Variants in TMEM117 observed in about 807,000 individuals in gnomAD.
TMEM117 encodes the protein transmembrane protein 117.
A neutral mutation model predicts 52.4 loss-of-function variants in TMEM117; 27 were observed. The ratio of observed to expected loss-of-function variants is 0.51; its 90% CI spans 0.38 to 0.71. The LOEUF (loss-of-function observed/expected upper bound fraction) is 0.71, where lower values mean the gene tolerates loss of function less well. Among genes scored for constraint, TMEM117 ranks in the 30% least tolerant of loss-of-function variants. The pLI is 0.00. For missense variants in TMEM117, 556 were observed against 630.5 expected (o/e 0.88, Z 1.26); for synonymous variants, 215 against 206.3 (o/e 1.04, Z -0.36).
intron 5 of TMEM117, among the ~76,000 whole-genome samples, chr12:44,215,217 A>T (rs1329655007): frequency 6.6e-6 from 1 of 152,232 alleles, no homozygotes; most frequent in Non-Finnish European, 1.5e-5. Context: ...TAGTAAACAT[A>T]TCTCTTACCT....
chr12:44,147,187 C>T (rs1447345540), intron 4 of TMEM117, among the ~76,000 whole-genome samples: 1 of 152,184 alleles, frequency 6.6e-6, no homozygotes, highest in Non-Finnish European at 1.5e-5. Context: ...TGAGCTGGGT[C>T]TTTGCTATGG....
intron 4 of TMEM117, among the ~76,000 whole-genome samples, chr12:44,173,593 T>TTTTTTTTTTTTTTTTTTTTTTTTTGAGAC (rs1486099062): frequency 6.6e-6 from 1 of 151,298 alleles, no homozygotes; most frequent in African/African-American, 2.5e-5. Context: ...ATTCTTTAGT[T>TTTTTTTTTTTTTTTTTTTTTTTTTGAGAC]GCTGAAAACA....
At chr12:43,853,039 T>G (rs2137377921) in intron 2 of TMEM117, among the ~76,000 whole-genome samples, 1 of 152,320 alleles carries the variant, frequency 6.6e-6, no homozygotes, top group Non-Finnish European at 1.5e-5. Context: ...CTAAACCTGT[T>G]AATACTGCAT....
At chr12:43,957,957 C>G (rs1012693221) in intron 3 of TMEM117, among the ~76,000 whole-genome samples, 1 of 152,192 alleles carries the variant, frequency 6.6e-6, no homozygotes, top group African/African-American at 2.4e-5. Context: ...GGCATGTTTT[C>G]AGCACTGATT....
intron 3 of TMEM117, among the ~76,000 whole-genome samples, chr12:44,116,242 C>T (rs1189692209): frequency 6.6e-6 from 1 of 152,172 alleles, no homozygotes; most frequent in Non-Finnish European, 1.5e-5. Flanking sequence ...TTACAATACT[C>T]TTCGAATGTG....
chr12:43,838,067 T>C (rs918882418), intron 1 of TMEM117, among the ~76,000 whole-genome samples: 1 of 152,226 alleles, frequency 6.6e-6, no homozygotes, highest in African/African-American at 2.4e-5. Context: ...CCCTGTGGTC[T>C]TTTGTATTAG....
At chr12:44,092,146 A>C (rs1947684432) in intron 3 of TMEM117, among the ~76,000 whole-genome samples, 1 of 152,232 alleles carries the variant, frequency 6.6e-6, no homozygotes, top group Admixed American at 6.5e-5. Context: ...TCCGATATGT[A>C]TCAGCTGCAT....
At chr12:43,916,080 T>C (rs190320893) in intron 2 of TMEM117, among the ~76,000 whole-genome samples, 45 of 152,164 alleles carry the variant, frequency 3.0e-4, no homozygotes, top group African/African-American at 1.0e-3. Flanking sequence ...CTTATTCTTC[T>C]TTTTCCAGCC....
At position 43,984,837 on chromosome 12, in the gene TMEM117, GC is replaced by G. The variant is rs538820655; in HGVS notation, c.410+40498del. On this transcript the variant is annotated intron_variant, in intron 3 of 7. Coordinates refer to ENST00000266534, the MANE Select transcript of TMEM117 (RefSeq NM_032256.3). Reference sequence around the variant, plus strand: ...AAATGGAACGTTTGTTTTAAAATCAGCCCACATACCGAAATGTCTTTTATTT... The same window carrying G: ...AAATGGAACGTTTGTTTTAAAATCAGCCACATACCGAAATGTCTTTTATTT... Among the ~76,000 whole-genome samples, 27 of 152,134 alleles carry G rather than the reference GC, an allele frequency of 1.8e-4. No individual in the cohort carries two copies. In the South Asian group the frequency reaches 5.0e-3, roughly 28 times the overall value.
chr12:44,007,906 G>A (rs933609276), intron 3 of TMEM117, among the ~76,000 whole-genome samples: 1 of 152,038 alleles, frequency 6.6e-6, no homozygotes, highest in Non-Finnish European at 1.5e-5. Context: ...ACGTGGAACT[G>A]TAAGTCCACT....
chr12:43,825,348 C>T, the TMEM117 span, among the ~76,000 whole-genome samples: 6 of 152,250 alleles, frequency 3.9e-5, no homozygotes, highest in African/African-American at 7.2e-5. Context: ...GGACCCCAAG[C>T]GCTGGATTAT....
intron 2 of TMEM117, among the ~76,000 whole-genome samples, chr12:43,918,275 T>G (rs954793127): frequency 5.3e-5 from 8 of 152,220 alleles, no homozygotes; most frequent in African/African-American, 1.9e-4. Flanking sequence ...AGGCTCCATC[T>G]GGTCTAGTCT....
At chr12:44,097,806 A>T (rs538003435) in intron 3 of TMEM117, among the ~76,000 whole-genome samples, 24 of 151,156 alleles carry the variant, frequency 1.6e-4, no homozygotes, top group Non-Finnish European at 1.5e-5. Flanking sequence ...ACATGTATAC[A>T]TATGTAACAA....
intron 3 of TMEM117, among the ~76,000 whole-genome samples, chr12:44,108,221 A>G (rs1329128514): frequency 6.6e-6 from 1 of 151,318 alleles, no homozygotes; most frequent in Non-Finnish European, 1.5e-5. Flanking sequence ...ATTTTTTATT[A>G]TACTCTAAGT....
chr12:44,123,721 T>A (rs1948275389), intron 3 of TMEM117, among the ~76,000 whole-genome samples: 1 of 152,130 alleles, frequency 6.6e-6, no homozygotes, highest in Admixed American at 6.6e-5. Context: ...AGGTGTGTGG[T>A]CTTATTTCTG....
chr12:43,877,496 A>C (rs1381590464), intron 2 of TMEM117, among the ~76,000 whole-genome samples: 1 of 151,922 alleles, frequency 6.6e-6, no homozygotes, highest in Non-Finnish European at 1.5e-5. Context: ...TTAGCTGGAC[A>C]TAGTGGTGGG....
At chr12:44,219,757 T>C (rs577025262) in intron 5 of TMEM117, among the ~76,000 whole-genome samples, 1 of 152,238 alleles carries the variant, frequency 6.6e-6, no homozygotes, top group Admixed American at 6.5e-5. Context: ...GCTACTCAAA[T>C]AATAACTGTA....
rs565365212 is a variant in TMEM117, at chr12:44,376,933, A to G, written c.898+209A>G. Among the ~76,000 whole-genome samples, 7 of 152,286 alleles carry G rather than the reference A, an allele frequency of 4.6e-5. No individual in the cohort carries two copies. The East Asian group carries it at 1.4e-3, about 29-fold the overall frequency. On this transcript the variant is annotated intron_variant, in intron 7 of 7. Transcript: ENST00000266534. ...AGTTACTGGTGGCTTTGACAATTTC[A>G]GTGTTAGCATCCAGCAGGCAGATGG...
the TMEM117 span, chr12:43,805,830 C>G: frequency 3.6e-6 from 5 of 1,387,290 alleles, no homozygotes; most frequent in Admixed American, 1.9e-5. Flanking sequence ...AGAAAACTCG[C>G]CTGGTTCTCG....
Sources: allele counts gnomAD v4.1 joint callset (sites outside exome capture counted in the v4.1 genomes callset), GRCh38; gene constraint gnomAD v4.1.1; transcripts MANE v1.5; gene names NCBI Gene and HGNC (gene_info 2026-07-23, HGNC 2026-07-21).